RTN1: variants seen among roughly 807,000 people sequenced by gnomAD.
RTN1 encodes the protein reticulon 1, also known as reticulon-1.
A neutral mutation model predicts 65.5 loss-of-function variants in RTN1; 25 were observed. The observed-to-expected ratio is 0.38, with a 90% CI of 0.28 to 0.53. RTN1 has a LOEUF of 0.53. Among genes scored for constraint, RTN1 ranks in the 20% least tolerant of loss-of-function variants. RTN1 has a pLI of 0.79. For synonymous variants in RTN1, 471 were observed against 447.6 expected, an observed-to-expected ratio of 1.05 and a Z score of -0.66; for missense variants, 983 against 1,025.4, an observed-to-expected ratio of 0.96 and a Z score of 0.57.
At chr14:59,754,476 C>T (rs1885596246) in intron 1 of RTN1, among the ~76,000 whole-genome samples, 1 of 152,138 alleles carries the variant, frequency 6.6e-6, no homozygotes, top group Admixed American at 6.5e-5. Flanking sequence ...TGATCCATAG[C>T]TTAGGCAGTT....
At chr14:59,638,019 T>C (rs1882702825) in intron 3 of RTN1, among the ~76,000 whole-genome samples, 1 of 151,990 alleles carries the variant, frequency 6.6e-6, no homozygotes, top group Admixed American at 6.6e-5. Context: ...GCCCAGCTAA[T>C]TTTGGTATTT....
At position 59,868,154 on chromosome 14, in the gene RTN1, A is replaced by T. The variant is rs936426152; in HGVS notation, c.241+2236T>A. On this transcript the variant is annotated intron_variant, in intron 1 of 8. Transcript: ENST00000267484. The surrounding 1 kb of genome is among the most constrained non-coding windows in gnomAD (Gnocchi z 4.0). ...TTGTTTGGAATTTTAAGATCTAGTT[A>T]TTTATTTATACAGCATTTCTGGCGT... Among the ~76,000 whole-genome samples the T allele has an allele frequency of 6.6e-6, 1 of 152,212 alleles. No homozygotes were observed. Among genetic ancestry groups the T allele is most frequent in the Non-Finnish European group, 1.5e-5 (1 of 68,026 alleles).
Position 59,607,374 on chromosome 14 carries a change from G to C in RTN1, c.1884C>G (p.Ala628=). 1 of 1,613,768 alleles carries C rather than the reference G, an allele frequency of 6.2e-7. No homozygotes were observed. The highest frequency in any genetic ancestry group is 8.5e-7 in the Non-Finnish European group (1 of 1,179,952). ...FSVVSVVAYL[A]LAALSATISF... is the part of the protein sequence containing the mutation. Reference sequence around the variant, plus strand: ...TGATGGTGGCTGAGAGTGCGGCCAGGGCCAGGTAGGCCACGACGCTCACCA... The same window carrying C: ...TGATGGTGGCTGAGAGTGCGGCCAGCGCCAGGTAGGCCACGACGCTCACCA... The change falls in exon 4 of 9, where the codon GCC becomes GCG. Residue 628 remains alanine (A), a synonymous_variant. Transcript: ENST00000267484.
chr14:59,722,053 T>C (rs1884659315), intron 3 of RTN1, among the ~76,000 whole-genome samples: 2 of 152,244 alleles, frequency 1.3e-5, no homozygotes, highest in African/African-American at 2.4e-5. Flanking sequence ...GTATAATTTA[T>C]ATATTTTTGC....
At chr14:59,748,769 T>C (rs1444326349) in intron 1 of RTN1, among the ~76,000 whole-genome samples, 3 of 151,866 alleles carry the variant, frequency 2.0e-5, no homozygotes, top group African/African-American at 7.3e-5. Context: ...TCAATACATA[T>C]TTGCAAAATA....
At chr14:59,699,739 T>C (rs1884141165) in intron 3 of RTN1, among the ~76,000 whole-genome samples, 1 of 152,090 alleles carries the variant, frequency 6.6e-6, no homozygotes, top group Admixed American at 6.6e-5. Flanking sequence ...GAAACAGAAT[T>C]TCAGAGAGAT....
intron 1 of RTN1, among the ~76,000 whole-genome samples, chr14:59,798,758 T>TA (rs1886485651): frequency 6.7e-6 from 1 of 148,858 alleles, no homozygotes; most frequent in African/African-American, 2.5e-5. Context: ...TAATGTAAAA[T>TA]ATTAACGGGT....
chr14:59,607,197 A>AACTGAGAC, intron 4 of RTN1, 88 bp downstream of exon 4: 1 of 1,163,528 alleles, frequency 8.6e-7, no homozygotes, highest in East Asian at 2.5e-5. Context: ...TCAGAGAAAC[A>AACTGAGAC]TGACTCAAGT....
At chr14:59,628,113 T>C (rs1566665608) in intron 3 of RTN1, among the ~76,000 whole-genome samples, 1 of 152,018 alleles carries the variant, frequency 6.6e-6, no homozygotes, top group Non-Finnish European at 1.5e-5. Flanking sequence ...GGCAGGAGGA[T>C]TGCTTGAGGC....
chr14:59,673,788 C>T (rs946673444), intron 3 of RTN1, among the ~76,000 whole-genome samples: 1 of 152,166 alleles, frequency 6.6e-6, no homozygotes, highest in Admixed American at 6.5e-5. Flanking sequence ...AGGCTTTAAA[C>T]TGTCCTTGGA....
intron 3 of RTN1, among the ~76,000 whole-genome samples, chr14:59,615,576 TA>T (rs1177720971): frequency 1.3e-5 from 2 of 152,210 alleles, no homozygotes; most frequent in Non-Finnish European, 1.5e-5. Flanking sequence ...TGGAAAATTG[TA>T]AAGGGTTCTA....
At chr14:59,782,673 A>G (rs1328160717) in intron 1 of RTN1, among the ~76,000 whole-genome samples, 1 of 152,220 alleles carries the variant, frequency 6.6e-6, no homozygotes, top group Non-Finnish European at 1.5e-5. Context: ...ATGCTTGATA[A>G]TGATTTTCTA....
chr14:59,843,539 T>C (rs560691246), intron 1 of RTN1, among the ~76,000 whole-genome samples: 1 of 152,342 alleles, frequency 6.6e-6, no homozygotes, highest in South Asian at 2.1e-4. Flanking sequence ...TTTAATACAT[T>C]ATAGCTATTA....
At chr14:59,762,599 G>A (rs992683173) in intron 1 of RTN1, among the ~76,000 whole-genome samples, 3 of 152,162 alleles carry the variant, frequency 2.0e-5, no homozygotes, top group African/African-American at 2.4e-5. Flanking sequence ...GAGACTTAAC[G>A]GTTTGTGGCA....
At chr14:59,806,988 G>C (rs1886650575) in intron 1 of RTN1, among the ~76,000 whole-genome samples, 1 of 152,192 alleles carries the variant, frequency 6.6e-6, no homozygotes, top group Non-Finnish European at 1.5e-5. Context: ...CAAAAAAGTA[G>C]ACTAGCACTT....
rs532419117 is a variant in RTN1, at chr14:59,653,054, T to A, written c.1766-45562A>T. 2.6e-5 allele frequency among the ~76,000 whole-genome samples: 4 copies of A among 152,136 alleles called. No homozygotes were observed. The East Asian group carries it at 7.7e-4, about 29-fold the overall frequency. ...GTCCCAAATTCTATTTAAAAATGGA[T>A]TAGTCAACAGATATAAGAACACAAC... On this transcript the variant is annotated intron_variant, in intron 3 of 8. Coordinates refer to ENST00000267484, the MANE Select transcript of RTN1 (RefSeq NM_021136.3).
intron 1 of RTN1, among the ~76,000 whole-genome samples, chr14:59,804,805 C>T (rs1594750052): frequency 6.6e-6 from 1 of 152,170 alleles, no homozygotes. Flanking sequence ...TGGTCCTGAT[C>T]ATGAGGAAAG....
At chr14:59,756,754 C>T (rs986539156) in intron 1 of RTN1, among the ~76,000 whole-genome samples, 24 of 151,906 alleles carry the variant, frequency 1.6e-4, no homozygotes, top group Admixed American at 1.3e-4. Context: ...TTTGTTTGCA[C>T]TTTAATAGCT....
At chr14:59,785,589 T>G (rs1210404713) in intron 1 of RTN1, among the ~76,000 whole-genome samples, 1 of 152,252 alleles carries the variant, frequency 6.6e-6, no homozygotes, top group Admixed American at 6.5e-5. Context: ...GGCAAATAGT[T>G]TTGCTTGAAG....
Sources: gnomAD v4.1 joint callset for allele counts (sites outside exome capture counted in the v4.1 genomes callset) on GRCh38, gnomAD v4.1.1 for gene constraint, Gnocchi (gnomAD v3.1) non-coding constraint, MANE v1.5 for transcripts, NCBI Gene and HGNC (gene_info 2026-07-23, HGNC 2026-07-21) for gene names.